The following NUP58 variants were observed in gnomAD, a reference collection of about 807,000 sequenced individuals.
The protein encoded by NUP58 is nucleoporin p58/p45.
NUP58 carries 17 observed loss-of-function variants against 70.1 expected under a neutral mutation model. That is an observed-to-expected ratio of 0.24 (90% CI 0.17 to 0.36). The LOEUF is 0.36. Ranked by LOEUF, NUP58 falls within the 10% of genes least tolerant of loss-of-function variation. The pLI is 1.00. For missense variants in NUP58, 644 were observed against 701.5 expected (o/e 0.92, Z 0.93); for synonymous variants, 275 against 257.6 (o/e 1.07, Z -0.65).
intron 5 of NUP58, among the ~76,000 whole-genome samples, chr13:25,314,046 T>C (rs1471995923): frequency 6.6e-6 from 1 of 152,162 alleles, no homozygotes; most frequent in African/African-American, 2.4e-5. Context: ...TTCTCCTGCC[T>C]CAGCCTCCTG....
At chr13:25,337,840 T>C (rs888508663) in intron 14 of NUP58, among the ~76,000 whole-genome samples, 4 of 152,162 alleles carry the variant, frequency 2.6e-5, no homozygotes, top group African/African-American at 9.6e-5. Context: ...TTTCTTATTG[T>C]TACAGGCAAT....
At chr13:25,309,537 TTTC>T in intron 3 of NUP58, 1 of 367,510 alleles carries the variant, frequency 2.7e-6, no homozygotes, top group Non-Finnish European at 4.8e-6. Flanking sequence ...TGGAAGTTTA[TTTC>T]ATATTACTTT....
intron 13 of NUP58, chr13:25,335,279 C>T: frequency 1.0e-6 from 1 of 985,218 alleles, no homozygotes; most frequent in Non-Finnish European, 1.2e-6. Context: ...TTCTGTTGCT[C>T]TTAACAACAG....
chr13:25,301,656 G>A lies in NUP58; in HGVS notation c.-118G>A. The A allele has an allele frequency of 5.9e-6, 3 of 512,504 alleles. No homozygotes were observed. The highest frequency in any genetic ancestry group is 9.8e-6 in the Non-Finnish European group (3 of 306,042). The allele number at this position is 512,504 out of a possible 1,614,324, so 31.7% of individuals were successfully genotyped here. A position where few individuals can be genotyped will look rare whatever the true frequency, so the allele number is the denominator to read the frequency against. ...GCCTTCGCCGCCGTTGGGGCTGGAA[G>A]TTCCCGCCAGGTCCGTGCCGGGCGA... On this transcript the variant is annotated 5_prime_UTR_variant, in exon 1 of 16. Coordinates refer to ENST00000381736, the MANE Select transcript of NUP58 (RefSeq NM_014089.4).
intron 13 of NUP58, chr13:25,333,835 A>G: frequency 1.0e-6 from 1 of 985,438 alleles, no homozygotes; most frequent in Non-Finnish European, 1.2e-6. Context: ...GAGAGAGCTT[A>G]TGCATTGTTT....
At chr13:25,330,087 C>T (rs1299059371) in intron 12 of NUP58, among the ~76,000 whole-genome samples, 4 of 152,150 alleles carry the variant, frequency 2.6e-5, no homozygotes, top group Admixed American at 2.6e-4. Flanking sequence ...CTAGACCTCC[C>T]TAAGGGCTGG....
intron 1 of NUP58, among the ~76,000 whole-genome samples, chr13:25,307,211 ATTTTT>A (rs72132780): frequency 2.0e-4 from 20 of 98,592 alleles, no homozygotes; most frequent in African/African-American, 4.2e-4. Flanking sequence ...CTGGTATTGT[ATTTTT>A]TTTTTTTTTT....
intron 1 of NUP58, among the ~76,000 whole-genome samples, chr13:25,303,363 A>G (rs1166864088): frequency 6.6e-6 from 1 of 151,772 alleles, no homozygotes; most frequent in Admixed American, 6.6e-5. Context: ...CAAACACACA[A>G]CTACCACCCT....
rs540822522 is a variant in NUP58, at chr13:25,323,593, C to A, written c.952-1396C>A. ...TATCAATCTTATTTAACCCTAAAAC[C>A]TTTTCTTCAAAGAAAGCCTTTCTGG... On this transcript the variant is annotated intron_variant, in intron 9 of 15. Transcript: ENST00000381736. Among the ~76,000 whole-genome samples the A allele has an allele frequency of 2.9e-4, 44 of 152,202 alleles. 1 individual carries two copies. Among genetic ancestry groups the A allele is most frequent in the Admixed American group, 1.8e-3 (28 of 15,280 alleles).
intron 7 of NUP58, 52 bp from the exon 8 acceptor site, chr13:25,320,478 T>C (rs373100157): frequency 5.8e-5 from 76 of 1,314,198 alleles, no homozygotes; most frequent in Non-Finnish European, 7.7e-5. Flanking sequence ...AACTCAGCTG[T>C]CAACTTTTTA....
chr13:25,341,737 A>T lies in NUP58; in HGVS notation c.*1603A>T, dbSNP rs1291339492. ...TAGCCATGATTTCGTTAGTAGACCT[A>T]TTTATGATTCAATTGCAATTTTCAG... On this transcript the variant is annotated 3_prime_UTR_variant, in exon 16 of 16. Coordinates refer to ENST00000381736, the MANE Select transcript of NUP58 (RefSeq NM_014089.4). 6.6e-6 allele frequency: 1 copy of T among 152,640 alleles called. No homozygotes were observed. The highest frequency in any genetic ancestry group is 6.5e-5 in the Admixed American group (1 of 15,284). The allele number at this position is 152,640 out of a possible 1,614,324, so 9.5% of individuals were successfully genotyped here.
At chr13:25,302,692 G>A (rs1051435122) in intron 1 of NUP58, among the ~76,000 whole-genome samples, 9 of 152,126 alleles carry the variant, frequency 5.9e-5, no homozygotes, top group African/African-American at 2.2e-4. Flanking sequence ...GTTAAGGAGT[G>A]TGCACACTGT....
At chr13:25,308,833 C>T (rs890590325) in intron 2 of NUP58, among the ~76,000 whole-genome samples, 1 of 152,142 alleles carries the variant, frequency 6.6e-6, no homozygotes, top group Non-Finnish European at 1.5e-5. Context: ...ATTCTTACTA[C>T]TTTTTGCGTT....
At chr13:25,328,417 A>T (rs1483263650) in intron 12 of NUP58, among the ~76,000 whole-genome samples, 2 of 132,348 alleles carry the variant, frequency 1.5e-5, no homozygotes, top group African/African-American at 5.6e-5. Context: ...TTTTTTTGAG[A>T]CAGACTCTTG....
downstream of NUP58, among the ~76,000 whole-genome samples, chr13:25,345,969 C>T (rs770549920): frequency 6.6e-6 from 1 of 150,712 alleles, no homozygotes. Flanking sequence ...ACCAGGCTTA[C>T]AAAGGTTTCA....
At chr13:25,329,256 T>C (rs1015005069) in intron 12 of NUP58, among the ~76,000 whole-genome samples, 1 of 152,194 alleles carries the variant, frequency 6.6e-6, no homozygotes, top group African/African-American at 2.4e-5. Context: ...CAGGTATGAC[T>C]ACCTAATTGC....
At chr13:25,339,939 T>A in intron 15 of NUP58, 26 bp from the exon 16 acceptor site, 3 of 1,537,788 alleles carry the variant, frequency 2.0e-6, no homozygotes, top group Middle Eastern at 1.7e-4. Context: ...ACTTCTGATA[T>A]GAATATTTTT....
intron 1 of NUP58, among the ~76,000 whole-genome samples, chr13:25,303,762 C>G (rs914898299): frequency 1.3e-5 from 2 of 152,190 alleles, no homozygotes; most frequent in Admixed American, 6.5e-5. Context: ...CTCTCACTGA[C>G]TAGAAACTGC....
Position 25,305,551 on chromosome 13 carries a change from C to G in NUP58, c.108-2255C>G, listed in dbSNP as rs2030305993. 2.0e-5 allele frequency among the ~76,000 whole-genome samples: 3 copies of G among 152,116 alleles called. No individual in the cohort carries two copies. In the South Asian group the frequency reaches 6.2e-4, roughly 31 times the overall value. ...CGCCTTCATATGCCCAAGGTGCACA[C>G]AAACACATTTTAAAAATCAGTACTT... On this transcript the variant is annotated intron_variant, in intron 1 of 15. Transcript: ENST00000381736.
Sources: allele counts gnomAD v4.1 joint callset (sites outside exome capture counted in the v4.1 genomes callset), GRCh38; gene constraint gnomAD v4.1.1; transcripts MANE v1.5; gene names NCBI Gene and HGNC (gene_info 2026-07-23, HGNC 2026-07-21).